The following PLCE1 variants were observed in gnomAD, a reference collection of about 807,000 sequenced individuals.
The protein encoded by PLCE1 is 1-phosphatidylinositol 4,5-bisphosphate phosphodiesterase epsilon-1.
A neutral mutation model predicts 242.8 loss-of-function variants in PLCE1; 119 were observed. The ratio of observed to expected loss-of-function variants is 0.49; its 90% confidence interval spans 0.42 to 0.57. The LOEUF (loss-of-function observed/expected upper bound fraction) is 0.57, where lower values mean the gene tolerates loss of function less well. Among genes scored for constraint, PLCE1 ranks in the 20% least tolerant of loss-of-function variants. The probability of loss-of-function intolerance (pLI) is 0.00; values close to 1 mark genes in which losing one functional copy is unlikely to be tolerated. For synonymous variants in PLCE1, 945 were observed against 1,017.4 expected (o/e 0.93, Z 1.35); for missense variants, 2,441 against 2,788.8 (o/e 0.88, Z 2.81).
chr10:94,316,818 C>T, intron 29 of PLCE1, 62 bp downstream of exon 29: 1 of 1,190,912 alleles, frequency 8.4e-7, no homozygotes, highest in Non-Finnish European at 1.3e-6. Context: ...CCATTTACCA[C>T]TCACAACCTC....
chr10:94,168,247 G>A (rs2047870052), intron 3 of PLCE1, among the ~76,000 whole-genome samples: 1 of 152,162 alleles, frequency 6.6e-6, no homozygotes, highest in Non-Finnish European at 1.5e-5. Context: ...CCTATGAAGA[G>A]GAAAGAGGAC....
chr10:94,232,258 A>G (rs539684969), intron 5 of PLCE1, among the ~76,000 whole-genome samples: 43 of 152,212 alleles, frequency 2.8e-4, no homozygotes, highest in Non-Finnish European at 5.0e-4. Flanking sequence ...GATGTCTTAT[A>G]TATTACACAG....
chr10:94,286,755 G>A (rs973411597), intron 22 of PLCE1: 1 of 152,150 alleles, frequency 6.6e-6, no homozygotes, highest in African/African-American at 2.4e-5. Flanking sequence ...TAATTTCACA[G>A]ACCATGACCT....
In PLCE1 at chr10:94,031,568, G is replaced by A; in HGVS notation, c.522G>A (p.Glu174=). The A allele has an allele frequency of 6.2e-7, 1 of 1,612,418 alleles. No individual in the cohort carries two copies. The highest frequency in any genetic ancestry group is 1.7e-5 in the Admixed American group (1 of 59,976). The change falls in exon 2 of 33, where the codon GAG becomes GAA. Residue 174 remains glutamate (E), a synonymous_variant. Coordinates refer to ENST00000371380, the MANE Select transcript of PLCE1 (RefSeq NM_016341.4). Reference sequence around the variant, plus strand: ...TAGGAAATCAGTCAGTGATCATAGAGACAGGCAGAGCACACCCTGACAGCA... The same window carrying A: ...TAGGAAATCAGTCAGTGATCATAGAAACAGGCAGAGCACACCCTGACAGCA... The part of the protein sequence containing the change: ...SPLGNQSVII[E]TGRAHPDSRR...
chr10:94,080,008 G>A (rs910293109), intron 2 of PLCE1, among the ~76,000 whole-genome samples: 1 of 152,226 alleles, frequency 6.6e-6, no homozygotes, highest in Non-Finnish European at 1.5e-5. Context: ...GGTATGAACT[G>A]TGTGCAGGAC....
At chr10:94,022,387 AG>A (rs2134386272) in intron 1 of PLCE1, among the ~76,000 whole-genome samples, 1 of 152,186 alleles carries the variant, frequency 6.6e-6, no homozygotes, top group Non-Finnish European at 1.5e-5. Flanking sequence ...AAATTAAAGA[AG>A]ATATGCATAT....
chr10:94,255,910 ACACACTCTCTCTCTCTCTCT>A (rs1168271352), intron 11 of PLCE1, among the ~76,000 whole-genome samples: 138 of 92,034 alleles, frequency 1.5e-3, no homozygotes, highest in African/African-American at 5.9e-3. Context: ...ACACACACAC[ACACACTCTCTCTCTCTCTCT>A]CTCTCTCTCT....
At chr10:94,161,352 T>C (rs762187152) in intron 3 of PLCE1, among the ~76,000 whole-genome samples, 6 of 152,206 alleles carry the variant, frequency 3.9e-5, no homozygotes, top group Non-Finnish European at 7.4e-5. Flanking sequence ...TGGTTTGTAG[T>C]GCTCCTTGAA....
chr10:94,275,972 T>A (rs907212196), intron 19 of PLCE1, among the ~76,000 whole-genome samples: 5 of 152,352 alleles, frequency 3.3e-5, no homozygotes, highest in African/African-American at 1.2e-4. Context: ...AATTTTAACC[T>A]TTTGTATATG....
Position 94,330,256 on chromosome 10 carries a change from G to C in PLCE1, c.*2313G>C, listed in dbSNP as rs1730792299. The C allele has an allele frequency of 6.6e-6, 1 of 152,256 alleles. No individual in the cohort carries two copies. 9.4% of individuals were successfully genotyped at this position (152,256 alleles called of 1,614,324 possible). On this transcript the variant is annotated 3_prime_UTR_variant, in exon 33 of 33. Coordinates refer to ENST00000371380, the MANE Select transcript of PLCE1 (RefSeq NM_016341.4). ...ACTGAAGTTGAGACCAGGTTGTTTA[G>C]CAAGTGAGAGAATCCAGCCTACTGC...
chr10:94,221,838 T>A (rs930550439), intron 4 of PLCE1, among the ~76,000 whole-genome samples: 1 of 152,244 alleles, frequency 6.6e-6, no homozygotes, highest in Non-Finnish European at 1.5e-5. Context: ...GCAGTTAGAA[T>A]GACCAGATAC....
intron 2 of PLCE1, among the ~76,000 whole-genome samples, chr10:94,085,546 G>A (rs949012369): frequency 6.6e-6 from 1 of 152,214 alleles, no homozygotes; most frequent in African/African-American, 2.4e-5. Flanking sequence ...TAGGAGGCCA[G>A]CTGGGCTGCA....
intron 2 of PLCE1, among the ~76,000 whole-genome samples, chr10:94,099,176 A>G (rs1363911945): frequency 6.6e-6 from 1 of 152,238 alleles, no homozygotes; most frequent in Admixed American, 6.5e-5. Flanking sequence ...AAGTCACTTT[A>G]TATTTCTGAA....
At chr10:94,081,841 G>T (rs2044662586) in intron 2 of PLCE1, 1 of 152,184 alleles carries the variant, frequency 6.6e-6, no homozygotes, top group African/African-American at 2.4e-5. Context: ...TGCCTATACT[G>T]CCTCTTGGTC....
intron 3 of PLCE1, among the ~76,000 whole-genome samples, chr10:94,157,981 G>A (rs907753371): frequency 6.6e-6 from 1 of 152,188 alleles, no homozygotes; most frequent in African/African-American, 2.4e-5. Flanking sequence ...TCTACATAGA[G>A]TGGTTGTGAG....
chr10:94,320,434 C>T (rs1298495914), intron 29 of PLCE1, among the ~76,000 whole-genome samples: 3 of 152,168 alleles, frequency 2.0e-5, no homozygotes, highest in African/African-American at 7.2e-5. Context: ...CTTCAGAAGC[C>T]AGTCCTTTCT....
At chr10:94,121,642 T>C (rs1303358441) in intron 2 of PLCE1, among the ~76,000 whole-genome samples, 1 of 152,134 alleles carries the variant, frequency 6.6e-6, no homozygotes, top group East Asian at 1.9e-4. Flanking sequence ...AAACACTAGT[T>C]ACTTCCCCCA....
At chr10:94,051,570 T>C (rs2043768102) in intron 2 of PLCE1, among the ~76,000 whole-genome samples, 1 of 152,218 alleles carries the variant, frequency 6.6e-6, no homozygotes, top group Admixed American at 6.5e-5. Flanking sequence ...TTTCTGATTA[T>C]GTGGTCAAAC....
intron 19 of PLCE1, among the ~76,000 whole-genome samples, chr10:94,278,238 C>A (rs2052036457): frequency 6.6e-6 from 1 of 152,102 alleles, no homozygotes; most frequent in Non-Finnish European, 1.5e-5. Flanking sequence ...AGTTCTTAAC[C>A]TTGGTAATAT....
Sources: allele counts gnomAD v4.1 joint callset (sites outside exome capture counted in the v4.1 genomes callset), GRCh38; gene constraint gnomAD v4.1.1; transcripts MANE v1.5; gene names NCBI Gene and HGNC (gene_info 2026-07-23, HGNC 2026-07-21).